The following SYNPR variants were observed in gnomAD, a reference collection of about 807,000 sequenced individuals.
SYNPR encodes synaptoporin.
A neutral mutation model predicts 32.9 loss-of-function variants in SYNPR; 23 were observed. The observed-to-expected ratio is 0.70, with a 90% CI of 0.50 to 0.99. The LOEUF is 0.99. Among genes scored for constraint, SYNPR ranks in the 50% least tolerant of loss-of-function variants. The probability of loss-of-function intolerance (pLI) is 0.00; values close to 1 mark genes in which losing one functional copy is unlikely to be tolerated. For missense variants in SYNPR, 318 were observed against 349.3 expected (o/e 0.91, Z 0.71); for synonymous variants, 146 against 135.9 (o/e 1.07, Z -0.52).
intron 2 of SYNPR, among the ~76,000 whole-genome samples, chr3:63,337,034 C>A (rs556301795): frequency 6.6e-6 from 1 of 152,070 alleles, no homozygotes; most frequent in South Asian, 2.1e-4. Context: ...GAGTTCGAGA[C>A]CAGCCTGGCC....
At chr3:63,266,424 C>A (rs9867534) in intron 2 of SYNPR, among the ~76,000 whole-genome samples, 1 of 151,820 alleles carries the variant, frequency 6.6e-6, no homozygotes, top group African/African-American at 2.4e-5. Flanking sequence ...AAATAAAGGC[C>A]GGGAGCGGTG....
At chr3:63,412,417 T>C (rs576693648) in intron 2 of SYNPR, among the ~76,000 whole-genome samples, 1 of 152,304 alleles carries the variant, frequency 6.6e-6, no homozygotes, top group Admixed American at 6.5e-5. Flanking sequence ...ATCTATTTAT[T>C]CCATGCAGTT....
chr3:63,460,898 T>C (rs1347372004), intron 2 of SYNPR, among the ~76,000 whole-genome samples: 1 of 152,034 alleles, frequency 6.6e-6, no homozygotes, highest in East Asian at 1.9e-4. Flanking sequence ...GGGCAAATGA[T>C]GATAGTGGCC....
chr3:63,245,364 T>C (rs1211229790), intron 1 of SYNPR, among the ~76,000 whole-genome samples: 3 of 152,064 alleles, frequency 2.0e-5, no homozygotes, highest in Admixed American at 6.6e-5. Context: ...TAATAATAAA[T>C]GTTAGCCAAA....
intron 4 of SYNPR, among the ~76,000 whole-genome samples, chr3:63,561,682 G>C (rs977452014): frequency 6.6e-6 from 1 of 150,912 alleles, no homozygotes; most frequent in South Asian, 2.1e-4. Flanking sequence ...ACTACTAGAG[G>C]GTTCTGCTTC....
intron 2 of SYNPR, among the ~76,000 whole-genome samples, chr3:63,460,816 C>T (rs535310832): frequency 2.0e-5 from 3 of 151,966 alleles, no homozygotes; most frequent in Non-Finnish European, 2.9e-5. Context: ...AAAGACAGCC[C>T]TTGTGGCAGC....
chr3:63,412,848 G>A (rs1441772533), intron 2 of SYNPR, among the ~76,000 whole-genome samples: 3 of 152,156 alleles, frequency 2.0e-5, no homozygotes, highest in African/African-American at 2.4e-5. Flanking sequence ...AGCATTTCGT[G>A]CAAGGGGATA....
chr3:63,445,413 T>A, intron 2 of SYNPR: 1 of 572,716 alleles, frequency 1.7e-6, no homozygotes, highest in Non-Finnish European at 3.1e-6. Flanking sequence ...GTATCACTTC[T>A]GAAAGGTCCA....
chr3:63,402,523 G>C (rs1271670438), intron 2 of SYNPR, among the ~76,000 whole-genome samples: 1 of 152,134 alleles, frequency 6.6e-6, no homozygotes, highest in Non-Finnish European at 1.5e-5. Flanking sequence ...TATTTCATCG[G>C]GATTGACCCC....
intron 2 of SYNPR, among the ~76,000 whole-genome samples, chr3:63,400,453 C>T (rs36082392): frequency 0.42 from 63,882 of 152,078 alleles, 13,546 homozygotes; most frequent in Middle Eastern, 0.51. Flanking sequence ...AATGGCACGT[C>T]AGAGCTGCCT....
At chr3:63,579,986 C>A (rs1482744906) in intron 4 of SYNPR, among the ~76,000 whole-genome samples, 2 of 152,058 alleles carry the variant, frequency 1.3e-5, no homozygotes, top group African/African-American at 4.8e-5. Context: ...GAAAGATTTT[C>A]TCATTCATGC....
At chr3:63,501,934 G>A (rs897934801) in intron 3 of SYNPR, among the ~76,000 whole-genome samples, 1 of 152,136 alleles carries the variant, frequency 6.6e-6, no homozygotes, top group East Asian at 1.9e-4. Context: ...CACTTGAAAC[G>A]TGGCTGGTCT....
At chr3:63,365,549 G>A (rs1438971636) in intron 2 of SYNPR, among the ~76,000 whole-genome samples, 1 of 152,122 alleles carries the variant, frequency 6.6e-6, no homozygotes, top group Non-Finnish European at 1.5e-5. Context: ...AAGAATTACT[G>A]ACAAGAATTT....
intron 2 of SYNPR, among the ~76,000 whole-genome samples, chr3:63,335,352 C>CAAAA (rs35394118): frequency 1.3e-4 from 11 of 84,936 alleles, no homozygotes; most frequent in Middle Eastern, 7.2e-3. Context: ...GACTCCGTCT[C>CAAAA]AAAAAAAAAA....
chr3:63,350,884 G>C (rs577195846), intron 2 of SYNPR, among the ~76,000 whole-genome samples: 2 of 152,018 alleles, frequency 1.3e-5, no homozygotes, highest in African/African-American at 2.4e-5. Context: ...GTGACTTCTC[G>C]ACCTCTGTTC....
rs71631152 is a variant in SYNPR at position 63,393,496 on chromosome 3, C to CTTT, written c.85-87317_85-87315dup. Among the ~76,000 whole-genome samples the CTTT allele has an allele frequency of 1.3e-3, 110 of 84,498 alleles. 7 individuals carry two copies. The highest frequency in any genetic ancestry group is 3.0e-3 in the Admixed American group (21 of 7,030). The allele number at this position is 84,498 out of a possible 152,430, so 55.4% of individuals were successfully genotyped here. On this transcript the variant is annotated intron_variant, in intron 2 of 5. Coordinates refer to ENST00000478300, the MANE Select transcript of SYNPR (RefSeq NM_001130003.2). ...CCTTCCTTCCTTCTTTCTTTCTTCT[C>CTTT]TTTTTTTTTTTTTTTTTTTTTGACA...
chr3:63,426,960 T>C (rs1306130696), intron 2 of SYNPR, among the ~76,000 whole-genome samples: 1 of 152,188 alleles, frequency 6.6e-6, no homozygotes, highest in African/African-American at 2.4e-5. Flanking sequence ...TCTAAAACTA[T>C]GTCGAGCCTT....
intron 1 of SYNPR, among the ~76,000 whole-genome samples, chr3:63,239,638 A>T (rs1363761509): frequency 1.3e-5 from 2 of 151,504 alleles, no homozygotes; most frequent in Non-Finnish European, 2.9e-5. Context: ...TCACACACCC[A>T]TCCTACCATT....
At chr3:63,411,189 G>T (rs1383521094) in intron 2 of SYNPR, among the ~76,000 whole-genome samples, 1 of 152,108 alleles carries the variant, frequency 6.6e-6, no homozygotes, top group African/African-American at 2.4e-5. Flanking sequence ...TAACTTAATG[G>T]TGTGTGGGTG....
Sources: allele counts gnomAD v4.1 joint callset (sites outside exome capture counted in the v4.1 genomes callset), GRCh38; gene constraint gnomAD v4.1.1; transcripts MANE v1.5; gene names NCBI Gene and HGNC (gene_info 2026-07-23, HGNC 2026-07-21).